The following GRIA2 variants were observed in gnomAD, a reference collection of about 807,000 sequenced individuals.
GRIA2 encodes glutamate ionotropic receptor AMPA type subunit 2, also known as glutamate receptor 2.
GRIA2 carries 14 observed loss-of-function variants against 97.3 expected under a neutral mutation model. The ratio of observed to expected loss-of-function variants is 0.14; its 90% confidence interval spans 0.10 to 0.23. The LOEUF is 0.23. Among genes scored for constraint, GRIA2 ranks in the 10% least tolerant of loss-of-function variants. GRIA2 has a pLI of 1.00. For missense variants in GRIA2, 558 were observed against 1,069.8 expected (o/e 0.52, Z 6.67); for synonymous variants, 412 against 387.8 (o/e 1.06, Z -0.73).
At chr4:157,348,773 AAAAC>A (rs1326715520) in intron 12 of GRIA2, among the ~76,000 whole-genome samples, 3 of 152,292 alleles carry the variant, frequency 2.0e-5, no homozygotes, top group African/African-American at 4.8e-5. Flanking sequence ...GCATTAAAAT[AAAAC>A]AAACAAAATT....
At chr4:157,325,794 A>G (rs184661715) in intron 6 of GRIA2, among the ~76,000 whole-genome samples, 1 of 152,212 alleles carries the variant, frequency 6.6e-6, no homozygotes, top group East Asian at 1.9e-4. Context: ...CTCACTTCCT[A>G]CCACCTTCTC....
intron 2 of GRIA2, among the ~76,000 whole-genome samples, chr4:157,254,101 A>G (rs1231095496): frequency 1.3e-5 from 2 of 152,028 alleles, no homozygotes; most frequent in African/African-American, 2.4e-5. Context: ...CTGTCTAGAA[A>G]TCCAGAAATA....
At chr4:157,293,766 C>T (rs528552970) in intron 2 of GRIA2, among the ~76,000 whole-genome samples, 5 of 152,076 alleles carry the variant, frequency 3.3e-5, no homozygotes, top group South Asian at 4.2e-4. Flanking sequence ...TGTAACTAGG[C>T]GTTACAATGG....
intron 2 of GRIA2, among the ~76,000 whole-genome samples, chr4:157,224,962 A>G (rs1729676616): frequency 1.3e-5 from 2 of 152,146 alleles, no homozygotes; most frequent in African/African-American, 4.8e-5. Flanking sequence ...TAAAAATCCC[A>G]CAGAGCTAAA....
At chr4:157,301,298 C>T (rs760751876) in intron 2 of GRIA2, among the ~76,000 whole-genome samples, 1 of 152,124 alleles carries the variant, frequency 6.6e-6, no homozygotes, top group African/African-American at 2.4e-5. Flanking sequence ...GAAGAAAGGA[C>T]ATAGTTATCA....
chr4:157,270,825 G>A (rs1051174018), intron 2 of GRIA2, among the ~76,000 whole-genome samples: 2 of 151,970 alleles, frequency 1.3e-5, no homozygotes, highest in Non-Finnish European at 2.9e-5. Flanking sequence ...GGAGGAGGCC[G>A]TCTGTAGTGT....
intron 6 of GRIA2, among the ~76,000 whole-genome samples, chr4:157,331,598 G>A (rs1034854467): frequency 1.3e-5 from 2 of 151,942 alleles, no homozygotes; most frequent in African/African-American, 4.8e-5. Flanking sequence ...ATATCTTGAT[G>A]TGATATTTCT....
chr4:157,273,604 G>C (rs1054165879), intron 2 of GRIA2, among the ~76,000 whole-genome samples: 1 of 152,002 alleles, frequency 6.6e-6, no homozygotes, highest in Non-Finnish European at 1.5e-5. Flanking sequence ...ACCTTGAAAG[G>C]CTTGTTAATA....
intron 12 of GRIA2, among the ~76,000 whole-genome samples, chr4:157,359,061 G>C (rs1344721481): frequency 1.3e-5 from 2 of 152,104 alleles, no homozygotes; most frequent in African/African-American, 4.8e-5. Context: ...AAAATAAGCA[G>C]ACATTCAAAT....
At chr4:157,330,143 CAGA>C (rs1734985443) in intron 6 of GRIA2, among the ~76,000 whole-genome samples, 1 of 152,010 alleles carries the variant, frequency 6.6e-6, no homozygotes, top group Non-Finnish European at 1.5e-5. Context: ...GTAACATAGA[CAGA>C]AGAAGCATTG....
chr4:157,351,179 T>C (rs1317846016), intron 12 of GRIA2, among the ~76,000 whole-genome samples: 1 of 152,162 alleles, frequency 6.6e-6, no homozygotes, highest in Admixed American at 6.6e-5. Flanking sequence ...ATTGATATTT[T>C]CATCACAAAC....
intron 4 of GRIA2, among the ~76,000 whole-genome samples, chr4:157,313,331 A>T (rs1403684486): frequency 9.2e-5 from 14 of 152,058 alleles, no homozygotes; most frequent in Non-Finnish European, 1.5e-4. Flanking sequence ...TCTTTGCAAG[A>T]TATATTTTTT....
Position 157,317,710 on chromosome 4 carries a change from TG to T in GRIA2, c.720+1del. ...GGGTACCACTACATCATTGCAAATCTGGTAGGTGAATTAATTGGTATATATT... is the reference window on the plus strand; with the variant it reads ...GGGTACCACTACATCATTGCAAATCTGTAGGTGAATTAATTGGTATATATT... The part of the protein sequence containing the change: ...VKGYHYIIAN[L>X]GFTDGDLLKI... On this transcript the variant is annotated frameshift_variant and splice_region_variant, in exon 5 of 16. Coordinates refer to ENST00000264426, the MANE Select transcript of GRIA2 (RefSeq NM_001083619.3). LOFTEE classifies it high-confidence loss of function. 1 of 1,208,886 alleles carries T rather than the reference TG, an allele frequency of 8.3e-7. No homozygotes were observed. The highest frequency in any genetic ancestry group is 1.2e-6 in the Non-Finnish European group (1 of 816,902). The allele number at this position is 1,208,886 out of a possible 1,614,324, so 74.9% of individuals were successfully genotyped here.
chr4:157,347,267 A>C (rs568078851), intron 12 of GRIA2, among the ~76,000 whole-genome samples: 2 of 152,256 alleles, frequency 1.3e-5, no homozygotes, highest in Non-Finnish European at 2.9e-5. Flanking sequence ...TCCAGGGTAC[A>C]TGTGTTATTT....
chr4:157,267,502 A>G (rs1210203656), intron 2 of GRIA2, among the ~76,000 whole-genome samples: 4 of 151,558 alleles, frequency 2.6e-5, no homozygotes, highest in African/African-American at 9.7e-5. Flanking sequence ...CATTTTTGTT[A>G]TTAAAGACCT....
At chr4:157,340,227 A>G (rs1735487793) in intron 11 of GRIA2, among the ~76,000 whole-genome samples, 2 of 151,922 alleles carry the variant, frequency 1.3e-5, no homozygotes, top group Admixed American at 6.6e-5. Context: ...AATTTTTAGA[A>G]CTATCACTTG....
At chr4:157,330,362 T>C (rs1734995532) in intron 6 of GRIA2, among the ~76,000 whole-genome samples, 1 of 151,976 alleles carries the variant, frequency 6.6e-6, no homozygotes, top group Non-Finnish European at 1.5e-5. Flanking sequence ...CACACTTTAA[T>C]AGTACTTAAA....
intron 11 of GRIA2, 57 bp from the exon 12 acceptor site, chr4:157,341,207 G>A: frequency 8.5e-7 from 1 of 1,174,846 alleles, no homozygotes; most frequent in Non-Finnish European, 1.3e-6. Flanking sequence ...CTGCTAACTT[G>A]TTTTTTTATT....
chr4:157,357,681 C>G (rs1013438952), intron 12 of GRIA2, among the ~76,000 whole-genome samples: 3 of 152,052 alleles, frequency 2.0e-5, no homozygotes, highest in Admixed American at 1.3e-4. Context: ...GGTGACCTAA[C>G]ATACCAGAAC....
Sources: allele counts gnomAD v4.1 joint callset (sites outside exome capture counted in the v4.1 genomes callset), GRCh38; gene constraint gnomAD v4.1.1; transcripts MANE v1.5; gene names NCBI Gene and HGNC (gene_info 2026-07-23, HGNC 2026-07-21).